DNAJB12: variants seen among roughly 807,000 people sequenced by gnomAD.
DNAJB12 encodes DnaJ heat shock protein family (Hsp40) member B12.
A neutral mutation model predicts 40.6 loss-of-function variants in DNAJB12; 14 were observed. The ratio of observed to expected loss-of-function variants is 0.34; its 90% CI spans 0.23 to 0.54. The LOEUF (loss-of-function observed/expected upper bound fraction) is 0.54, where lower values mean the gene tolerates loss of function less well. Among genes scored for constraint, DNAJB12 ranks in the 20% least tolerant of loss-of-function variants. The pLI is 0.92. For missense variants in DNAJB12, 444 were observed against 501.7 expected, an observed-to-expected ratio of 0.89 and a Z score of 1.10; for synonymous variants, 181 against 199.5, an observed-to-expected ratio of 0.91 and a Z score of 0.78.
At chr10:72,346,614 C>T (rs1861795380) in intron 1 of DNAJB12, among the ~76,000 whole-genome samples, 3 of 152,260 alleles carry the variant, frequency 2.0e-5, no homozygotes, top group South Asian at 2.1e-4. Flanking sequence ...TGTGAGCCAC[C>T]GTGCCCGGCC....
At position 72,345,834 on chromosome 10, in the gene DNAJB12, G is replaced by C. The variant is rs185553021; in HGVS notation, c.134-707C>G. On this transcript the variant is annotated intron_variant, in intron 1 of 8. Coordinates refer to ENST00000444643, the MANE Select transcript of DNAJB12 (RefSeq NM_017626.7). Reference sequence around the variant, plus strand: ...GAGAATTGCTTGAACCCAGGAGGTGGAGATTAGCAAGATTGTGCCACTGCA... The same window carrying C: ...GAGAATTGCTTGAACCCAGGAGGTGCAGATTAGCAAGATTGTGCCACTGCA... Among the ~76,000 whole-genome samples the C allele has an allele frequency of 2.8e-3, 421 of 148,040 alleles. 2 individuals carry two copies. The highest frequency in any genetic ancestry group is 9.4e-3 in the African/African-American group (377 of 40,028).
At chr10:72,342,671 A>C (rs1861671950) in intron 3 of DNAJB12, among the ~76,000 whole-genome samples, 1 of 152,218 alleles carries the variant, frequency 6.6e-6, no homozygotes, top group Non-Finnish European at 1.5e-5. Flanking sequence ...AGGTGGATGA[A>C]GTGGGAATGA....
intron 1 of DNAJB12, among the ~76,000 whole-genome samples, chr10:72,345,894 A>C (rs1422390318): frequency 8.6e-6 from 1 of 116,162 alleles, no homozygotes; most frequent in Non-Finnish European, 1.8e-5. Flanking sequence ...GATCTGTCTC[A>C]AAAAAAAAAA....
Position 72,341,054 on chromosome 10 carries a change from G to C in DNAJB12, c.574C>G (p.Arg192Gly). 6.2e-7 allele frequency: 1 copy of C among 1,614,176 alleles called. No individual in the cohort carries two copies. ...RHGHGHGDFH[R>G]GFEADISPED... The stretch of plus-strand genomic sequence containing the variant: ...GGGGAGATGTCGGCCTCAAAGCCAC[G>C]GTGGAAATCCCCATGCCCATGGCCG... The change falls in exon 4 of 9, where the codon CGT becomes GGT. Residue 192 changes from arginine to glycine, a missense_variant. By Grantham distance (125) the Arg-to-Gly change is moderately radical (BLOSUM62 -2). Transcript: ENST00000444643.
At chr10:72,334,698 C>A in intron 8 of DNAJB12, 81 bp from the exon 9 acceptor site, 1 of 1,479,310 alleles carries the variant, frequency 6.8e-7, no homozygotes, top group South Asian at 1.3e-5. Flanking sequence ...AGTAGCCCCC[C>A]TTGCCACTGC....
intron 1 of DNAJB12, among the ~76,000 whole-genome samples, chr10:72,345,376 C>G (rs1861757095): frequency 6.6e-6 from 1 of 152,016 alleles, no homozygotes; most frequent in Non-Finnish European, 1.5e-5. Context: ...CTGAGGCAGG[C>G]AGATCACCTG....
At chr10:72,339,736 C>T (rs575318990) in intron 5 of DNAJB12, among the ~76,000 whole-genome samples, 10 of 146,790 alleles carry the variant, frequency 6.8e-5, no homozygotes, top group African/African-American at 1.0e-4. Flanking sequence ...TTTTTTGAGA[C>T]GGAGTCTTGC....
intron 3 of DNAJB12, 89 bp downstream of exon 3, chr10:72,343,277 C>T: frequency 6.7e-7 from 1 of 1,501,758 alleles, no homozygotes; most frequent in East Asian, 2.4e-5. Context: ...CTGCTCCCTG[C>T]TTCCTGGGAA....
chr10:72,353,512 T>G (rs976082695), intron 1 of DNAJB12: 2 of 152,288 alleles, frequency 1.3e-5, no homozygotes, highest in African/African-American at 2.4e-5. Flanking sequence ...GTTAGGAGGC[T>G]GACTGCTGTT....
Position 72,354,818 on chromosome 10 carries a change from G to A in DNAJB12, c.80C>T (p.Ala27Val), listed in dbSNP as rs751997593. The A allele has an allele frequency of 6.2e-7, 1 of 1,613,998 alleles. No homozygotes were observed. Among genetic ancestry groups the A allele is most frequent in the Non-Finnish European group, 8.5e-7 (1 of 1,179,898 alleles). Residue 27 changes from alanine to valine, a missense_variant, in exon 1 of 9, where the codon GCG (alanine) becomes GTG (valine). Transcript: ENST00000444643. The part of the protein sequence containing the change: ...KAIQSNQPDR[A>V]LRFLEKAQRL... ...CTGTGCCTTCTCCAGGAAGCGGAGC[G>A]CCCGGTCGGGCTGGTTGCTCTGGAT...
chr10:72,340,353 A>G (rs1432822776), intron 5 of DNAJB12, among the ~76,000 whole-genome samples: 1 of 152,130 alleles, frequency 6.6e-6, no homozygotes, highest in Non-Finnish European at 1.5e-5. Context: ...AATTAAAAAA[A>G]AAGAAATTTC....
Position 72,335,421 on chromosome 10 carries a change from T to C in DNAJB12, c.*30+359A>G. On this transcript the variant is annotated intron_variant, in intron 8 of 8. Transcript: ENST00000444643. The surrounding 1 kb of genome is among the most constrained non-coding windows in gnomAD (Gnocchi z 4.4). ...AAATACCAGGGCACGGACAATAGTCTGCTGTGCTGGAGAAAGGGCCGTGCT... is the reference window on the plus strand; with the variant it reads ...AAATACCAGGGCACGGACAATAGTCCGCTGTGCTGGAGAAAGGGCCGTGCT... 4.8e-6 allele frequency: 5 copies of C among 1,050,904 alleles called. No homozygotes were observed. Among genetic ancestry groups the C allele is most frequent in the Non-Finnish European group, 5.8e-6 (5 of 867,558 alleles). 65.1% of individuals were successfully genotyped at this position (1,050,904 alleles called of 1,614,324 possible). A position where few individuals can be genotyped will look rare whatever the true frequency, so the allele number is the denominator to read the frequency against.
Position 72,338,389 on chromosome 10 carries a change from A to G in DNAJB12, c.724-78T>C, listed in dbSNP as rs1861537093. 33 of 1,183,294 alleles carry G rather than the reference A, an allele frequency of 2.8e-5. No homozygotes were observed. In the South Asian group the frequency reaches 4.0e-4, roughly 14 times the overall value. 73.3% of individuals were successfully genotyped at this position (1,183,294 alleles called of 1,614,324 possible). A position where few individuals can be genotyped will look rare whatever the true frequency, so the allele number is the denominator to read the frequency against. On this transcript the variant is annotated intron_variant, in intron 5 of 8. Coordinates refer to ENST00000444643, the MANE Select transcript of DNAJB12 (RefSeq NM_017626.7). ...AGCCATAATCACCACTAGCTCCCCT[A>G]GAATAGTGGAGCCTGGGGAGACATG...
At chr10:72,350,608 G>A (rs557605676) in intron 1 of DNAJB12, among the ~76,000 whole-genome samples, 4 of 152,086 alleles carry the variant, frequency 2.6e-5, no homozygotes, top group Non-Finnish European at 4.4e-5. Context: ...GTCTCTGACC[G>A]TGACTTTGTT....
In DNAJB12 at chr10:72,335,162, G is replaced by C. The variant is rs1191076659; in HGVS notation, c.*31-545C>G. ...CAGGTGTGACGGCATTCGAGAGAGT[G>C]CCTCAGATCCCACCAGAGGGGGGTG... is the stretch of plus-strand genomic sequence containing the variant. On this transcript the variant is annotated intron_variant, in intron 8 of 8. Transcript: ENST00000444643. The surrounding 1 kb of genome is among the most constrained non-coding windows in gnomAD (Gnocchi z 4.4). 2 of 988,040 alleles carry C rather than the reference G, an allele frequency of 2.0e-6. No homozygotes were observed. Among genetic ancestry groups the C allele is most frequent in the African/African-American group, 3.5e-5 (2 of 57,296 alleles). The allele number at this position is 988,040 out of a possible 1,614,324, so 61.2% of individuals were successfully genotyped here.
At chr10:72,337,522 G>A (rs548379247) in intron 6 of DNAJB12, among the ~76,000 whole-genome samples, 2 of 152,342 alleles carry the variant, frequency 1.3e-5, no homozygotes, top group Admixed American at 6.5e-5. Flanking sequence ...CCTGGCAGTC[G>A]AGACTAAGCA....
intron 6 of DNAJB12, 54 bp from the exon 7 acceptor site, chr10:72,336,750 T>C (rs1861490067): frequency 6.5e-7 from 1 of 1,526,990 alleles, no homozygotes; most frequent in South Asian, 1.2e-5. Flanking sequence ...CCCAGGGCAC[T>C]CTAGGGGTAT....
At position 72,341,109 on chromosome 10, in the gene DNAJB12, G is replaced by C. The variant is rs764965547; in HGVS notation, c.519C>G (p.Phe173Leu). The C allele has an allele frequency of 1.2e-6, 2 of 1,614,150 alleles. No individual in the cohort carries two copies. Among genetic ancestry groups the C allele is most frequent in the South Asian group, 1.1e-5 (1 of 91,086 alleles). Residue 173 changes from phenylalanine to leucine, a missense_variant, in exon 4 of 9, where the codon TTC becomes TTG. By Grantham distance (22) the Phe-to-Leu change is conservative. Transcript: ENST00000444643. ...NPEKRKQYDQ[F>L]GDDKSQAARH... ...GGGCCGCCTGGCTCTTGTCATCGCC[G>C]AACTGGTCATACTGCTTCCTCTTCT...
chr10:72,344,154 T>C (rs1236542399), intron 2 of DNAJB12, among the ~76,000 whole-genome samples: 1 of 152,150 alleles, frequency 6.6e-6, no homozygotes, highest in Non-Finnish European at 1.5e-5. Flanking sequence ...CTTTCACCAA[T>C]TCTTCCTCTC....
Sources: allele counts gnomAD v4.1 joint callset (sites outside exome capture counted in the v4.1 genomes callset), GRCh38; gene constraint gnomAD v4.1.1; non-coding constraint Gnocchi (gnomAD v3.1); transcripts MANE v1.5; gene names NCBI Gene and HGNC (gene_info 2026-07-23, HGNC 2026-07-21).